The following VWA7 variants were observed in gnomAD, a reference collection of about 807,000 sequenced individuals.
The protein encoded by VWA7 is von Willebrand factor A domain-containing protein 7.
Under a neutral mutation model 83.1 loss-of-function variants are expected in VWA7, and 66 were observed. That is an observed-to-expected ratio of 0.79 (90% CI 0.65 to 0.98). VWA7 has a LOEUF of 0.98. VWA7 is among the 50% of genes least tolerant of loss of function. The probability of loss-of-function intolerance (pLI) is 0.00; values close to 1 mark genes in which losing one functional copy is unlikely to be tolerated. For synonymous variants in VWA7, 424 were observed against 488.5 expected (o/e 0.87, Z 1.74); for missense variants, 1,080 against 1,160.2 (o/e 0.93, Z 1.00).
intron 12 of VWA7, 45 bp downstream of exon 12, chr6:31,767,310 TCTGAGGC>T (rs767736347): frequency 4.0e-5 from 65 of 1,613,088 alleles, no homozygotes; most frequent in Non-Finnish European, 4.5e-5. Flanking sequence ...GATCGTGTTC[TCTGAGGC>T]CTGCAGTCTC....
rs774139900 is a variant in VWA7 at position 31,774,620 on chromosome 6, TC to T, written c.616del (p.Asp206IlefsTer10). ...QELQNLAQVA[D>X]PTCSDCEELS... ...CTCCTCGCAATCGGAGCAGGTAGGA[TC>T]GGCCACTGGGAAGAGAGGGCAGGGC... On this transcript the variant is annotated frameshift_variant, in exon 5 of 17. Transcript: ENST00000375688. LOFTEE classifies it high-confidence loss of function. 4.3e-6 allele frequency: 7 copies of T among 1,611,558 alleles called. No individual in the cohort carries two copies. The South Asian group carries it at 7.7e-5, about 18-fold the overall frequency.
chr6:31,766,640 C>G lies in VWA7; in HGVS notation c.2007G>C (p.Gln669His). ...GAGGTCCCACGGGCTCCAAGGGCAC[C>G]TGGCCTAGTTCGGCACCCTCTGGGA... ...RGVPEGAELG[Q>H]VPLEPVGPPE... Residue 669 changes from glutamine to histidine, a missense_variant, in exon 14 of 17, where the codon CAG (glutamine) becomes CAC (histidine). Gln to His is a conservative substitution (Grantham distance 24, BLOSUM62 0). Transcript: ENST00000375688. This position sits in a 1 kb window ranked among gnomAD's most constrained non-coding sequence, Gnocchi z 4.9. 6 of 1,613,092 alleles carry G rather than the reference C, an allele frequency of 3.7e-6. No homozygotes were observed. The highest frequency in any genetic ancestry group is 5.1e-6 in the Non-Finnish European group (6 of 1,180,034).
rs2151409339 is a variant in VWA7 at position 31,775,703 on chromosome 6, T to C, written c.513+261A>G. 6.6e-6 allele frequency among the ~76,000 whole-genome samples: 1 copy of C among 152,268 alleles called. No homozygotes were observed. The highest frequency in any genetic ancestry group is 1.9e-4 in the East Asian group (1 of 5,182). On this transcript the variant is annotated intron_variant, in intron 3 of 16. Coordinates refer to ENST00000375688, the MANE Select transcript of VWA7 (RefSeq NM_025258.3). This position sits in a 1 kb window ranked among gnomAD's most constrained non-coding sequence, Gnocchi z 5.9. ...TGCAGAGTCCTGCTGCGTGTGCTGC[T>C]CCCTCAGCTCTCTGACCTCGCAGCC...
In VWA7 at chr6:31,776,076, C is replaced by T. The variant is rs1812658874; in HGVS notation, c.401G>A (p.Gly134Asp). The T allele has an allele frequency of 2.5e-6, 4 of 1,613,930 alleles. No individual in the cohort carries two copies. Among genetic ancestry groups the T allele is most frequent in the Non-Finnish European group, 3.4e-6 (4 of 1,180,032 alleles). Reference sequence around the variant, plus strand: ...CCCTACCAGGCGCGCGCGTCCCTGACCCAGTCGCTCAGCATCAAAGTGCAG... The same window carrying T: ...CCCTACCAGGCGCGCGCGTCCCTGATCCAGTCGCTCAGCATCAAAGTGCAG... ...PDLHFDAERL[G>D]QGRARLVGAL... Residue 134 changes from glycine to aspartate, a missense_variant, in exon 3 of 17, where the codon GGT becomes GAT. Transcript: ENST00000375688. This position sits in a 1 kb window ranked among gnomAD's most constrained non-coding sequence, Gnocchi z 6.2.
chr6:31,772,591 T>C (rs1481844464), intron 7 of VWA7, among the ~76,000 whole-genome samples: 2 of 127,746 alleles, frequency 1.6e-5, no homozygotes, highest in African/African-American at 6.0e-5. Flanking sequence ...TTTCTTTTTT[T>C]TTTTTTTTTT....
intron 12 of VWA7, 35 bp from the exon 13 acceptor site, chr6:31,767,285 G>C (rs764693372): frequency 2.5e-6 from 4 of 1,612,366 alleles, no homozygotes; most frequent in Non-Finnish European, 3.4e-6. Context: ...AGCCCTTCCT[G>C]AAAGGAATGT....
chr6:31,773,717 C>T lies in VWA7; in HGVS notation c.722-280G>A, dbSNP rs140666828. Among the ~76,000 whole-genome samples the T allele has an allele frequency of 8.7e-3, 1,320 of 152,126 alleles. 8 individuals are homozygous for T. Among genetic ancestry groups the T allele is most frequent in the Middle Eastern group, 0.075 (22 of 294 alleles). ...TAAAAATTAGCCAGGTGTGGTGGCGCGTGCTTGTAATCCCAGCTACTTAGG... is the reference window on the plus strand; with the variant it reads ...TAAAAATTAGCCAGGTGTGGTGGCGTGTGCTTGTAATCCCAGCTACTTAGG... On this transcript the variant is annotated intron_variant, in intron 5 of 16. Transcript: ENST00000375688. This position sits in a 1 kb window ranked among gnomAD's most constrained non-coding sequence, Gnocchi z 5.3.
Position 31,771,024 on chromosome 6 carries a change from AAAG to A in VWA7, c.1088-914_1088-912del, listed in dbSNP as rs1280396831. ...CTCTCTCTCTCTCAAAAAAAAAAAA[AAAG>A]AAAGAAAAGAAAAAAAAAAACTGGG... On this transcript the variant is annotated intron_variant, in intron 7 of 16. Transcript: ENST00000375688. Among the ~76,000 whole-genome samples, 8 of 149,274 alleles carry A rather than the reference AAAG, an allele frequency of 5.4e-5. No homozygotes were observed. In the South Asian group the frequency reaches 6.3e-4, roughly 12 times the overall value.
chr6:31,768,452 C>T (rs927219814), intron 10 of VWA7, among the ~76,000 whole-genome samples: 1 of 152,040 alleles, frequency 6.6e-6, no homozygotes, highest in Non-Finnish European at 1.5e-5. Context: ...CTGCAAAATA[C>T]AAGCCACCTC....
chr6:31,770,029 TCGTCTCCACCCCCCAA>T lies in VWA7; in HGVS notation c.1156_1171del (p.Leu386SerfsTer42). 3 of 1,612,730 alleles carry T rather than the reference TCGTCTCCACCCCCCAA, an allele frequency of 1.9e-6. No individual in the cohort carries two copies. Among genetic ancestry groups the T allele is most frequent in the Non-Finnish European group, 2.5e-6 (3 of 1,179,968 alleles). Reference sequence around the variant, plus strand: ...CAGGGCTGACAGGCACATCTCAGGCTCGTCTCCACCCCCCAAGGCATGGATCTCATTAAGCTGTTGC... The same window carrying T: ...CAGGGCTGACAGGCACATCTCAGGCTGGCATGGATCTCATTAAGCTGTTGC... On this transcript the variant is annotated frameshift_variant, in exon 8 of 17. Coordinates refer to ENST00000375688, the MANE Select transcript of VWA7 (RefSeq NM_025258.3). LOFTEE classifies it high-confidence loss of function.
In VWA7 at chr6:31,767,697, C is replaced by T. The variant is rs752870765; in HGVS notation, c.1561G>A (p.Val521Met). ...VVPGQPLVFS[V>M]DGLLQKITVR... is the part of the protein sequence containing the mutation. The stretch of plus-strand genomic sequence containing the variant: ...GTGATCTTCTGGAGCAGCCCATCCA[C>T]GCTGAACACAAGTGGCTGCCCAGGC... The change falls in exon 11 of 17, where the codon GTG becomes ATG. Residue 521 changes from valine to methionine, a missense_variant. Val to Met is a conservative substitution (Grantham distance 21, BLOSUM62 1). Transcript: ENST00000375688. 32 of 1,613,506 alleles carry T rather than the reference C, an allele frequency of 2.0e-5. No individual in the cohort carries two copies. Among genetic ancestry groups the T allele is most frequent in the South Asian group, 2.2e-5 (2 of 91,076 alleles).
Position 31,776,107 on chromosome 6 carries a change from G to C in VWA7, c.370C>G (p.Pro124Ala). 1 of 1,614,024 alleles carries C rather than the reference G, an allele frequency of 6.2e-7. No individual in the cohort carries two copies. Among genetic ancestry groups the C allele is most frequent in the Non-Finnish European group, 8.5e-7 (1 of 1,180,036 alleles). Residue 124 changes from proline (P) to alanine (A), a missense_variant, in exon 3 of 17, where the codon CCC becomes GCC. Pro to Ala is a conservative substitution (Grantham distance 27). Transcript: ENST00000375688. The surrounding 1 kb of genome is among the most constrained non-coding windows in gnomAD (Gnocchi z 6.2). ...QDFLPTSRND[P>A]DLHFDAERLG... ...CGCTCAGCATCAAAGTGCAGGTCGG[G>C]GTCATTCCTGGAAGTTGGCAGGAAG...
At chr6:31,771,414 C>T (rs1268224168) in intron 7 of VWA7, 3 of 152,266 alleles carry the variant, frequency 2.0e-5, no homozygotes, top group African/African-American at 7.2e-5. Context: ...CCTGAAGCAA[C>T]TGAAGATCCA....
rs745750703 is a variant in VWA7, at chr6:31,766,029, A to G, written c.2353T>C (p.Trp785Arg). 1.9e-6 allele frequency: 3 copies of G among 1,613,036 alleles called. No homozygotes were observed. Among genetic ancestry groups the G allele is most frequent in the African/African-American group, 2.7e-5 (2 of 75,062 alleles). ...RAHLELNESA[W>R]GRLWLEVPDS... The stretch of plus-strand genomic sequence containing the variant: ...GGGACCTCCAGCCACAGGCGGCCCC[A>G]GGCCGACTCATTCAGTTCCAGGTGA... Residue 785 changes from tryptophan to arginine, a missense_variant, in exon 16 of 17, where the codon TGG becomes CGG. Trp to Arg is a moderately radical substitution (Grantham distance 101, BLOSUM62 -3). Coordinates refer to ENST00000375688, the MANE Select transcript of VWA7 (RefSeq NM_025258.3). The surrounding 1 kb of genome is among the most constrained non-coding windows in gnomAD (Gnocchi z 4.9).
At position 31,767,464 on chromosome 6, in the gene VWA7, G is replaced by A. The variant is rs768114605; in HGVS notation, c.1687C>T (p.Arg563Cys). The A allele has an allele frequency of 7.4e-6, 12 of 1,612,764 alleles. No individual in the cohort carries two copies. Among genetic ancestry groups the A allele is most frequent in the African/African-American group, 5.3e-5 (4 of 75,006 alleles). ...GTCACCATCCAGAACTGCCCAAAGCGGCGAGTGTGACCTAGAGGACCCCCG... is the reference window on the plus strand; with the variant it reads ...GTCACCATCCAGAACTGCCCAAAGCAGCGAGTGTGACCTAGAGGACCCCCG... ...EGGGPLGHTR[R>C]FGQFWMVTMD... is the part of the protein sequence containing the mutation. Residue 563 changes from arginine to cysteine, a missense_variant, in exon 12 of 17, where the codon CGC becomes TGC. Physicochemically the swap from Arg to Cys is radical, Grantham distance 180. Coordinates refer to ENST00000375688, the MANE Select transcript of VWA7 (RefSeq NM_025258.3).
Position 31,766,681 on chromosome 6 carries a change from CGTG to C in VWA7, c.1963_1965del (p.His655del). 1 of 1,612,712 alleles carries C rather than the reference CGTG, an allele frequency of 6.2e-7. No individual in the cohort carries two copies. Among genetic ancestry groups the C allele is most frequent in the Non-Finnish European group, 8.5e-7 (1 of 1,179,748 alleles). On this transcript the variant is annotated inframe_deletion, in exon 14 of 17. Coordinates refer to ENST00000375688, the MANE Select transcript of VWA7 (RefSeq NM_025258.3). This position sits in a 1 kb window ranked among gnomAD's most constrained non-coding sequence, Gnocchi z 4.9. ...CCCTCTGGGACCCCTCGAAGGATGA[CGTG>C]GGAGAAATGCGGCTGAGGATCCCCA...
At position 31,770,045 on chromosome 6, in the gene VWA7, A is replaced by G; in HGVS notation, c.1156T>C (p.Leu386=). Reference sequence around the variant, plus strand: ...ATCTCAGGCTCGTCTCCACCCCCCAAGGCATGGATCTCATTAAGCTGTTGC... The same window carrying G: ...ATCTCAGGCTCGTCTCCACCCCCCAGGGCATGGATCTCATTAAGCTGTTGC... ...FWQQLNEIHA[L]GGGDEPEMCL... is the part of the protein sequence containing the mutation. The change falls in exon 8 of 17, where the codon TTG becomes CTG. Residue 386 remains leucine (L), a synonymous_variant. Transcript: ENST00000375688. The G allele has an allele frequency of 6.2e-7, 1 of 1,612,932 alleles. No homozygotes were observed. Among genetic ancestry groups the G allele is most frequent in the Non-Finnish European group, 8.5e-7 (1 of 1,179,994 alleles).
At chr6:31,767,294 G>C (rs1811706759) in intron 12 of VWA7, 44 bp from the exon 13 acceptor site, 3 of 1,612,568 alleles carry the variant, frequency 1.9e-6, no homozygotes, top group Non-Finnish European at 2.5e-6. Flanking sequence ...TGAAAGGAAT[G>C]TGACTGATCG....
chr6:31,772,597 T>C (rs1445481495), intron 7 of VWA7, among the ~76,000 whole-genome samples: 4 of 132,168 alleles, frequency 3.0e-5, no homozygotes, highest in South Asian at 2.6e-4. Context: ...TTTTTTTTTT[T>C]TTTTTTTTTT....
Sources: allele counts gnomAD v4.1 joint callset (sites outside exome capture counted in the v4.1 genomes callset), GRCh38; gene constraint gnomAD v4.1.1; non-coding constraint Gnocchi (gnomAD v3.1); transcripts MANE v1.5; gene names NCBI Gene and HGNC (gene_info 2026-07-23, HGNC 2026-07-21).